Variants in TTLL7 observed in about 807,000 individuals in gnomAD.
The protein encoded by TTLL7 is tubulin polyglutamylase TTLL7.
A neutral mutation model predicts 120.2 loss-of-function variants in TTLL7; 53 were observed. The ratio of observed to expected loss-of-function variants is 0.44; its 90% CI spans 0.35 to 0.55. The LOEUF (loss-of-function observed/expected upper bound fraction) is 0.55, where lower values mean the gene tolerates loss of function less well. TTLL7 is among the 20% of genes least tolerant of loss of function. TTLL7 has a pLI of 0.00. For missense variants in TTLL7, 803 were observed against 1,054.7 expected (o/e 0.76, Z 3.31); for synonymous variants, 353 against 351.7 (o/e 1.00, Z -0.04).
At chr1:83,883,953 C>CT (rs1654741731) in intron 19 of TTLL7, among the ~76,000 whole-genome samples, 1 of 151,938 alleles carries the variant, frequency 6.6e-6, no homozygotes, top group African/African-American at 2.4e-5. Context: ...AGCAGTATGC[C>CT]TTCTCCTTCA....
chr1:83,903,328 C>T (rs950712740), intron 18 of TTLL7, among the ~76,000 whole-genome samples: 3 of 151,986 alleles, frequency 2.0e-5, no homozygotes, highest in African/African-American at 7.2e-5. Context: ...TTGTTCTTCC[C>T]TCTGCCTGAA....
At position 83,917,390 on chromosome 1, in the gene TTLL7, T is replaced by C. The variant is rs1299257759; in HGVS notation, c.1587+214A>G. ...GCCCTGACTCATGGTCTTTTCACTG[T>C]CATCAGGAAAATAACCAAAATGACG... On this transcript the variant is annotated intron_variant, in intron 14 of 20. Transcript: ENST00000260505. Among the ~76,000 whole-genome samples the C allele has an allele frequency of 3.3e-5, 5 of 152,238 alleles. No homozygotes were observed. The East Asian group carries it at 9.7e-4, about 29-fold the overall frequency.
At chr1:83,993,213 G>C (rs1653168534) in intron 1 of TTLL7, among the ~76,000 whole-genome samples, 1 of 152,120 alleles carries the variant, frequency 6.6e-6, no homozygotes, top group Non-Finnish European at 1.5e-5. Context: ...TTACATGAGA[G>C]ATATATCTAA....
At chr1:83,995,154 C>G (rs1249114443) in intron 1 of TTLL7, among the ~76,000 whole-genome samples, 2 of 152,054 alleles carry the variant, frequency 1.3e-5, no homozygotes, top group African/African-American at 4.8e-5. Context: ...GCTTGAAAGA[C>G]TATAATCTGA....
intron 1 of TTLL7, among the ~76,000 whole-genome samples, chr1:83,972,388 T>C (rs1557771275): frequency 6.6e-6 from 1 of 152,116 alleles, no homozygotes; most frequent in East Asian, 1.9e-4. Context: ...TTGGCTTCTT[T>C]CACACAGTAA....
At chr1:83,888,050 GC>G (rs1188264031) in intron 19 of TTLL7, among the ~76,000 whole-genome samples, 1 of 151,896 alleles carries the variant, frequency 6.6e-6, no homozygotes, top group Non-Finnish European at 1.5e-5. Flanking sequence ...AAGTATGTTA[GC>G]AAAATAGTTC....
intron 9 of TTLL7, among the ~76,000 whole-genome samples, chr1:83,933,112 C>T (rs1659740949): frequency 6.6e-6 from 1 of 152,074 alleles, no homozygotes; most frequent in African/African-American, 2.4e-5. Context: ...GAGGGAAGCC[C>T]CAGGTATATA....
At chr1:83,986,418 A>G (rs1308024553) in intron 1 of TTLL7, among the ~76,000 whole-genome samples, 1 of 152,244 alleles carries the variant, frequency 6.6e-6, no homozygotes, top group Non-Finnish European at 1.5e-5. Context: ...GTAATCCAAC[A>G]TTCATTCAGG....
At chr1:83,900,535 G>A (rs1656631792) in intron 18 of TTLL7, among the ~76,000 whole-genome samples, 1 of 151,816 alleles carries the variant, frequency 6.6e-6, no homozygotes, top group South Asian at 2.1e-4. Context: ...AGTCAGCAAG[G>A]ACAGCCGAAG....
At chr1:83,929,105 A>G in intron 10 of TTLL7, 31 bp downstream of exon 10, 1 of 1,448,962 alleles carries the variant, frequency 6.9e-7, no homozygotes. Context: ...ATGTGGAGAT[A>G]AATGTCCAAA....
intron 1 of TTLL7, among the ~76,000 whole-genome samples, chr1:83,994,080 C>A (rs1373463151): frequency 6.6e-6 from 1 of 152,202 alleles, no homozygotes; most frequent in Non-Finnish European, 1.5e-5. Context: ...AAGCACAGGA[C>A]AAATTCTGCC....
chr1:83,905,802 T>C (rs1177856467), intron 17 of TTLL7, among the ~76,000 whole-genome samples: 1 of 151,962 alleles, frequency 6.6e-6, no homozygotes, highest in Admixed American at 6.6e-5. Context: ...TCTGACATTT[T>C]AGAATGTTCC....
At chr1:83,941,189 A>T (rs1647929166) in intron 7 of TTLL7, among the ~76,000 whole-genome samples, 2 of 152,236 alleles carry the variant, frequency 1.3e-5, no homozygotes, top group African/African-American at 4.8e-5. Context: ...CAACTGGGCT[A>T]TGTGCCCCTG....
intron 14 of TTLL7, among the ~76,000 whole-genome samples, 175 bp from the exon 15 acceptor site, chr1:83,911,538 T>C (rs947889964): frequency 1.3e-5 from 2 of 152,186 alleles, no homozygotes; most frequent in African/African-American, 2.4e-5. Context: ...GCATTGATTG[T>C]TGTTTCTGCA....
chr1:83,952,921 C>A (rs1043380899), intron 1 of TTLL7, among the ~76,000 whole-genome samples: 14 of 152,140 alleles, frequency 9.2e-5, no homozygotes, highest in Non-Finnish European at 1.6e-4. Flanking sequence ...TGAAACACTG[C>A]TTTTAATATG....
intron 3 of TTLL7, among the ~76,000 whole-genome samples, chr1:83,950,532 C>A (rs12406984): frequency 6.6e-6 from 1 of 151,902 alleles, no homozygotes; most frequent in Non-Finnish European, 1.5e-5. Flanking sequence ...TGCTCCCAAC[C>A]CTCTAATCCT....
In TTLL7 at chr1:83,937,972, A is replaced by G; in HGVS notation, c.768T>C (p.His256=). 1 of 1,614,064 alleles carries G rather than the reference A, an allele frequency of 6.2e-7. No individual in the cohort carries two copies. Among genetic ancestry groups the G allele is most frequent in the Non-Finnish European group, 8.5e-7 (1 of 1,179,940 alleles). The change falls in exon 8 of 21, where the codon CAT becomes CAC. Residue 256 remains histidine (H), a synonymous_variant. Coordinates refer to ENST00000260505, the MANE Select transcript of TTLL7 (RefSeq NM_024686.6). ...TTTCATCCCGTTCAAAATGCTCATT[A>G]TGCTTGTTCACGGAGTAGTTTGTCA... ...MHLTNYSVNK[H]NEHFERDETE...
intron 1 of TTLL7, among the ~76,000 whole-genome samples, chr1:83,961,870 C>T (rs955171671): frequency 3.3e-5 from 5 of 152,100 alleles, no homozygotes; most frequent in Non-Finnish European, 7.4e-5. Flanking sequence ...ATTTACCTCT[C>T]CCATTTCCTG....
chr1:83,915,586 G>C (rs1031105333), intron 14 of TTLL7, among the ~76,000 whole-genome samples: 51 of 152,172 alleles, frequency 3.4e-4, no homozygotes, highest in African/African-American at 1.2e-3. Flanking sequence ...GCATGGGCAA[G>C]GACTTCATGT....
Sources: gnomAD v4.1 joint callset for allele counts (sites outside exome capture counted in the v4.1 genomes callset) on GRCh38, gnomAD v4.1.1 for gene constraint, MANE v1.5 for transcripts, NCBI Gene and HGNC (gene_info 2026-07-23, HGNC 2026-07-21) for gene names.